The following SCCPDH variants were observed in gnomAD, a reference collection of about 807,000 sequenced individuals.
SCCPDH encodes saccharopine dehydrogenase (putative), also known as saccharopine dehydrogenase-like oxidoreductase.
SCCPDH carries 34 observed loss-of-function variants against 51.5 expected under a neutral mutation model. The observed-to-expected ratio is 0.66, with a 90% confidence interval of 0.50 to 0.88. The LOEUF (loss-of-function observed/expected upper bound fraction) is 0.88, where lower values mean the gene tolerates loss of function less well. SCCPDH is among the 40% of genes least tolerant of loss of function. The pLI is 0.00. For synonymous variants in SCCPDH, 187 were observed against 191.3 expected (o/e 0.98, Z 0.19); for missense variants, 464 against 527.1 (o/e 0.88, Z 1.17).
rs181109228 is a variant in SCCPDH, at chr1:246,751,697, T to C, written c.565-6529T>C. ...CCTTAACTTTCTGACTTGTCGTAAATATCCCTTTCTTTAAACAACCAGTTA... is the reference window on the plus strand; with the variant it reads ...CCTTAACTTTCTGACTTGTCGTAAACATCCCTTTCTTTAAACAACCAGTTA... On this transcript the variant is annotated intron_variant, in intron 5 of 11. Transcript: ENST00000366510. Among the ~76,000 whole-genome samples, 176 of 152,284 alleles carry C rather than the reference T, an allele frequency of 1.2e-3. 1 individual carries two copies. Among genetic ancestry groups the C allele is most frequent in the African/African-American group, 3.9e-3 (164 of 41,566 alleles).
At chr1:246,739,237 A>C (rs1668642912) in intron 3 of SCCPDH, among the ~76,000 whole-genome samples, 1 of 152,092 alleles carries the variant, frequency 6.6e-6, no homozygotes, top group African/African-American at 2.4e-5. Context: ...GTCAGCATTA[A>C]CCCTGGTAAA....
Position 246,751,692 on chromosome 1 carries a change from G to A in SCCPDH, c.565-6534G>A, listed in dbSNP as rs901320090. ...ACATGCCTTAACTTTCTGACTTGTC[G>A]TAAATATCCCTTTCTTTAAACAACC... On this transcript the variant is annotated intron_variant, in intron 5 of 11. Coordinates refer to ENST00000366510, the MANE Select transcript of SCCPDH (RefSeq NM_016002.3). 8.6e-5 allele frequency among the ~76,000 whole-genome samples: 13 copies of A among 151,770 alleles called. No homozygotes were observed. In the East Asian group the frequency reaches 1.5e-3, roughly 18 times the overall value.
chr1:246,733,302 G>A (rs1210531730), intron 2 of SCCPDH, among the ~76,000 whole-genome samples: 1 of 151,956 alleles, frequency 6.6e-6, no homozygotes, highest in Non-Finnish European at 1.5e-5. Flanking sequence ...GCCCAGGCTG[G>A]TCTCTAGCTC....
intron 5 of SCCPDH, among the ~76,000 whole-genome samples, 188 bp downstream of exon 5, chr1:246,744,313 AT>A (rs1228421986): frequency 6.6e-6 from 1 of 151,476 alleles, no homozygotes; most frequent in Non-Finnish European, 1.5e-5. Context: ...ATTTTATTTT[AT>A]TTTATTTATT....
Position 246,764,324 on chromosome 1 carries a change from A to G in SCCPDH, c.1069A>G (p.Asn357Asp). Residue 357 changes from asparagine (N) to aspartate (D), a missense_variant, in exon 10 of 12, where the codon AAT (asparagine) becomes GAT (aspartate). Transcript: ENST00000366510. ...CACTGGTACAGATAAGAACAAACCA[A>G]ATATCAAAATTTGTACTCAGGTGAA... ...QGTGTDKNKP[N>D]IKICTQVKGP... 1 of 1,612,908 alleles carries G rather than the reference A, an allele frequency of 6.2e-7. No homozygotes were observed. Among genetic ancestry groups the G allele is most frequent in the African/African-American group, 1.3e-5 (1 of 75,036 alleles).
At position 246,736,005 on chromosome 1, in the gene SCCPDH, G is replaced by T. The variant is rs765049217; in HGVS notation, c.334G>T (p.Ala112Ser). 4 of 1,612,832 alleles carry T rather than the reference G, an allele frequency of 2.5e-6. No individual in the cohort carries two copies. Among genetic ancestry groups the T allele is most frequent in the Non-Finnish European group, 1.7e-6 (2 of 1,178,982 alleles). The change falls in exon 3 of 12, where the codon GCA (alanine) becomes TCA (serine). Residue 112 changes from alanine to serine, a missense_variant. By Grantham distance (99) the Ala-to-Ser change is moderately conservative. Transcript: ENST00000366510. ...GTTTTATGGAGAACCTGTAATAAAA[G>T]CATGTATTGAAAATGGAGCCAGTTG... is the stretch of plus-strand genomic sequence containing the variant. The part of the protein sequence containing the change: ...YRFYGEPVIK[A>S]CIENGASCID...
At chr1:246,751,658 C>T (rs1190025385) in intron 5 of SCCPDH, among the ~76,000 whole-genome samples, 9 of 152,134 alleles carry the variant, frequency 5.9e-5, no homozygotes, top group Non-Finnish European at 8.8e-5. Context: ...CTTTCACAGA[C>T]GACCTTTGAC....
chr1:246,741,717 A>G (rs1367730857), intron 4 of SCCPDH, among the ~76,000 whole-genome samples: 1 of 152,230 alleles, frequency 6.6e-6, no homozygotes, highest in Non-Finnish European at 1.5e-5. Context: ...TTGAAAATTG[A>G]GAATTCACAC....
intron 10 of SCCPDH, 32 bp downstream of exon 10, chr1:246,764,389 A>G: frequency 8.2e-7 from 1 of 1,226,810 alleles, no homozygotes; most frequent in Admixed American, 1.8e-5. Context: ...AATGCTTGGG[A>G]ATTTTATACT....
chr1:246,744,788 T>G (rs1668734031), intron 5 of SCCPDH, among the ~76,000 whole-genome samples: 1 of 141,876 alleles, frequency 7.0e-6, no homozygotes, highest in African/African-American at 2.8e-5. Context: ...CTAATTTTTG[T>G]TTTTTTTTTT....
chr1:246,751,298 A>G (rs1668848162), intron 5 of SCCPDH, among the ~76,000 whole-genome samples: 1 of 152,210 alleles, frequency 6.6e-6, no homozygotes, highest in Non-Finnish European at 1.5e-5. Context: ...TTAACCCTTT[A>G]TAATTTTTGT....
At chr1:246,733,239 A>G (rs1668518382) in intron 2 of SCCPDH, among the ~76,000 whole-genome samples, 1 of 151,838 alleles carries the variant, frequency 6.6e-6, no homozygotes, top group South Asian at 2.1e-4. Context: ...GACTGGTGCT[A>G]TCACATCTGG....
intron 5 of SCCPDH, among the ~76,000 whole-genome samples, chr1:246,745,725 T>C (rs1287459740): frequency 2.0e-5 from 3 of 152,162 alleles, no homozygotes; most frequent in Admixed American, 6.5e-5. Flanking sequence ...ATGTAAAATA[T>C]GCTAAAATTT....
At chr1:246,729,273 G>A (rs1279576054) in intron 2 of SCCPDH, among the ~76,000 whole-genome samples, 1 of 152,182 alleles carries the variant, frequency 6.6e-6, no homozygotes, top group African/African-American at 2.4e-5. Flanking sequence ...CAGACAACCA[G>A]TTTGACTAGA....
At chr1:246,759,230 A>T in intron 7 of SCCPDH, 79 bp downstream of exon 7, 1 of 826,828 alleles carries the variant, frequency 1.2e-6, no homozygotes, top group Non-Finnish European at 2.1e-6. Context: ...ATTTTTGTTT[A>T]TAAGGCAGAA....
At chr1:246,727,999 G>A (rs2102979091) in intron 2 of SCCPDH, among the ~76,000 whole-genome samples, 1 of 151,732 alleles carries the variant, frequency 6.6e-6, no homozygotes, top group Non-Finnish European at 1.5e-5. Context: ...GATAACAAAG[G>A]ATGAGCAATG....
chr1:246,740,121 G>C (rs1222654795), intron 3 of SCCPDH, 51 bp from the exon 4 acceptor site: 1 of 1,411,072 alleles, frequency 7.1e-7, no homozygotes, highest in Admixed American at 2.0e-5. Flanking sequence ...TTTAATACTG[G>C]TCTACATCTT....
At chr1:246,724,838 T>C (rs536058480) in intron 1 of SCCPDH, among the ~76,000 whole-genome samples, 1 of 152,320 alleles carries the variant, frequency 6.6e-6, no homozygotes, top group Non-Finnish European at 1.5e-5. Flanking sequence ...ACACACATTT[T>C]TTTTTCTTTC....
At chr1:246,758,110 A>C in intron 5 of SCCPDH, 116 bp from the exon 6 acceptor site, 1 of 774,720 alleles carries the variant, frequency 1.3e-6, no homozygotes, top group Non-Finnish European at 2.0e-6. Flanking sequence ...TAAATCAGGG[A>C]TTATGTCTTG....
Sources: gnomAD v4.1 joint callset for allele counts (sites outside exome capture counted in the v4.1 genomes callset) on GRCh38, gnomAD v4.1.1 for gene constraint, MANE v1.5 for transcripts, NCBI Gene and HGNC (gene_info 2026-07-23, HGNC 2026-07-21) for gene names.